ARHGAP24: variants seen among roughly 807,000 people sequenced by gnomAD.
ARHGAP24 encodes rho GTPase-activating protein 24.
ARHGAP24 carries 50 observed loss-of-function variants against 76.4 expected under a neutral mutation model. The observed-to-expected ratio is 0.65, with a 90% CI of 0.52 to 0.83. The LOEUF (loss-of-function observed/expected upper bound fraction) is 0.83, where lower values mean the gene tolerates loss of function less well. Among genes scored for constraint, ARHGAP24 ranks in the 40% least tolerant of loss-of-function variants. ARHGAP24 has a pLI of 0.00. For synonymous variants in ARHGAP24, 345 were observed against 323.3 expected, an observed-to-expected ratio of 1.07 and a Z score of -0.72; for missense variants, 930 against 914.2, an observed-to-expected ratio of 1.02 and a Z score of -0.22.
At chr4:85,633,193 C>T (rs1453232383) in intron 2 of ARHGAP24, among the ~76,000 whole-genome samples, 1 of 151,832 alleles carries the variant, frequency 6.6e-6, no homozygotes, top group African/African-American at 2.4e-5. Context: ...CACTAGCTGG[C>T]ATTTTTTTGG....
At chr4:85,696,080 A>G (rs1723853996) in intron 2 of ARHGAP24, among the ~76,000 whole-genome samples, 1 of 152,168 alleles carries the variant, frequency 6.6e-6, no homozygotes. Context: ...CTCAGAATAT[A>G]TGAACTAGAT....
chr4:85,669,647 AT>A lies in ARHGAP24; in HGVS notation c.181-52237del, dbSNP rs1553921584. On this transcript the variant is annotated intron_variant, in intron 2 of 9. Transcript: ENST00000395184. ...CTGCATTGACCCTGTACTTTCAAATATATATATATATATATATATATATATA... is the reference window on the plus strand; with the variant it reads ...CTGCATTGACCCTGTACTTTCAAATAATATATATATATATATATATATATA... 5.9e-4 allele frequency among the ~76,000 whole-genome samples: 4 copies of A among 6,818 alleles called. No individual in the cohort carries two copies. The African/African-American group carries it at 6.0e-3, about 10-fold the overall frequency. The allele number at this position is 6,818 out of a possible 152,430, so 4.5% of individuals were successfully genotyped here. A position where few individuals can be genotyped will look rare whatever the true frequency, so the allele number is the denominator to read the frequency against.
At chr4:85,713,104 C>G (rs1724588176) in intron 2 of ARHGAP24, among the ~76,000 whole-genome samples, 1 of 152,056 alleles carries the variant, frequency 6.6e-6, no homozygotes, top group Non-Finnish European at 1.5e-5. Flanking sequence ...TTGAGACCAG[C>G]CTGGACATTA....
chr4:85,526,397 CAA>C (rs397945077), intron 1 of ARHGAP24, among the ~76,000 whole-genome samples: 20 of 76,892 alleles, frequency 2.6e-4, no homozygotes, highest in Non-Finnish European at 2.0e-4. Flanking sequence ...AAGACCCTGT[CAA>C]AAAAAAAAAA....
chr4:85,555,939 C>T (rs923520168), intron 1 of ARHGAP24, among the ~76,000 whole-genome samples: 2 of 152,268 alleles, frequency 1.3e-5, no homozygotes, highest in East Asian at 3.9e-4. Flanking sequence ...GTGGTTAAAT[C>T]ACTGAGAGTC....
At chr4:85,837,748 T>A (rs769285080) in intron 3 of ARHGAP24, among the ~76,000 whole-genome samples, 1 of 152,154 alleles carries the variant, frequency 6.6e-6, no homozygotes, top group Admixed American at 6.5e-5. Flanking sequence ...CCATATGGAC[T>A]GTATTCCAAT....
intron 8 of ARHGAP24, among the ~76,000 whole-genome samples, chr4:85,988,834 G>T (rs953640444): frequency 1.3e-5 from 2 of 151,560 alleles, no homozygotes; most frequent in African/African-American, 2.4e-5. Flanking sequence ...AAAGATACAG[G>T]TATGTTTAAA....
At chr4:85,623,645 G>A (rs1169556469) in intron 2 of ARHGAP24, among the ~76,000 whole-genome samples, 1 of 151,748 alleles carries the variant, frequency 6.6e-6, no homozygotes, top group African/African-American at 2.4e-5. Flanking sequence ...TTGGTAGCTT[G>A]ATGGGGATGG....
At chr4:85,685,914 C>A (rs189658213) in intron 2 of ARHGAP24, among the ~76,000 whole-genome samples, 2 of 152,170 alleles carry the variant, frequency 1.3e-5, no homozygotes, top group Non-Finnish European at 2.9e-5. Context: ...GCTGAAGTAA[C>A]AGGGTGGATT....
rs189616871 is a variant in ARHGAP24, at chr4:85,499,874, G to A, written c.-21+24315G>A. Among the ~76,000 whole-genome samples, 934 of 152,212 alleles carry A rather than the reference G, an allele frequency of 6.1e-3. 10 individuals are homozygous for A. The highest frequency in any genetic ancestry group is 0.021 in the African/African-American group (880 of 41,536). On this transcript the variant is annotated intron_variant, in intron 1 of 9. Coordinates refer to ENST00000395184, the MANE Select transcript of ARHGAP24 (RefSeq NM_001025616.3). ...TTAATTTTAATGAACTTATATTTAAGTTTAATAATCGGTACTATTTTTAAT... is the reference window on the plus strand; with the variant it reads ...TTAATTTTAATGAACTTATATTTAAATTTAATAATCGGTACTATTTTTAAT...
chr4:85,994,557 C>G (rs1740528877), intron 8 of ARHGAP24, 26 bp from the exon 9 acceptor site: 1 of 1,604,080 alleles, frequency 6.2e-7, no homozygotes, highest in Middle Eastern at 1.7e-4. Context: ...CTCACTCATG[C>G]TACTTTATGT....
At chr4:85,802,578 G>C (rs1422435220) in intron 3 of ARHGAP24, among the ~76,000 whole-genome samples, 2 of 152,216 alleles carry the variant, frequency 1.3e-5, no homozygotes, top group Non-Finnish European at 2.9e-5. Context: ...GATCACCCGA[G>C]GTCGGGAGTT....
chr4:85,851,873 A>C (rs1039631525), intron 3 of ARHGAP24, among the ~76,000 whole-genome samples: 3 of 151,922 alleles, frequency 2.0e-5, no homozygotes, highest in Non-Finnish European at 2.9e-5. Flanking sequence ...TCTCTGGCTG[A>C]CCTTAACATT....
chr4:85,594,027 G>A (rs1167854496), intron 2 of ARHGAP24, among the ~76,000 whole-genome samples: 1 of 151,954 alleles, frequency 6.6e-6, no homozygotes, highest in African/African-American at 2.4e-5. Flanking sequence ...CATTGAATCT[G>A]TAGATTGCTT....
At chr4:85,495,669 T>A (rs1405300115) in intron 1 of ARHGAP24, among the ~76,000 whole-genome samples, 5 of 152,012 alleles carry the variant, frequency 3.3e-5, no homozygotes, top group African/African-American at 1.2e-4. Context: ...ATTTTACTAT[T>A]ATTAATCAGG....
At chr4:85,826,051 TA>T (rs1414838900) in intron 3 of ARHGAP24, among the ~76,000 whole-genome samples, 1 of 152,150 alleles carries the variant, frequency 6.6e-6, no homozygotes, top group East Asian at 1.9e-4. Flanking sequence ...ATAATATACA[TA>T]AAGTTCCCAG....
intron 3 of ARHGAP24, among the ~76,000 whole-genome samples, chr4:85,741,779 A>G (rs1725835883): frequency 2.0e-5 from 3 of 152,206 alleles, no homozygotes; most frequent in Non-Finnish European, 2.9e-5. Context: ...TTCCATGAAT[A>G]TAGGAGAGGA....
intron 1 of ARHGAP24, among the ~76,000 whole-genome samples, chr4:85,516,273 C>T (rs1224959891): frequency 6.6e-6 from 1 of 152,212 alleles, no homozygotes; most frequent in Non-Finnish European, 1.5e-5. Flanking sequence ...CTCTGGCCAC[C>T]TGCATCCCTG....
At chr4:85,705,347 T>C (rs1308792517) in intron 2 of ARHGAP24, among the ~76,000 whole-genome samples, 4 of 152,180 alleles carry the variant, frequency 2.6e-5, no homozygotes, top group African/African-American at 9.7e-5. Flanking sequence ...TAACAAAATA[T>C]ACGAATATAC....
Sources: allele counts gnomAD v4.1 joint callset (sites outside exome capture counted in the v4.1 genomes callset), GRCh38; gene constraint gnomAD v4.1.1; transcripts MANE v1.5; gene names NCBI Gene and HGNC (gene_info 2026-07-23, HGNC 2026-07-21).